HEATR5A: variants seen among roughly 807,000 people sequenced by gnomAD.
The protein encoded by HEATR5A is HEAT repeat-containing protein 5A.
HEATR5A carries 178 observed loss-of-function variants against 218.8 expected under a neutral mutation model. The observed-to-expected ratio is 0.81, with a 90% confidence interval of 0.72 to 0.92. HEATR5A has a LOEUF of 0.92. HEATR5A is among the 40% of genes least tolerant of loss of function. The pLI, the probability that HEATR5A is intolerant of heterozygous loss-of-function variation, is 0.00. For missense variants in HEATR5A, 2,420 were observed against 2,418.9 expected, an observed-to-expected ratio of 1.00 and a Z score of -0.01; for synonymous variants, 864 against 871.6, an observed-to-expected ratio of 0.99 and a Z score of 0.15.
chr14:31,417,444 G>A (rs1336517406), intron 1 of HEATR5A, among the ~76,000 whole-genome samples: 3 of 152,136 alleles, frequency 2.0e-5, no homozygotes, highest in Middle Eastern at 3.2e-3. Context: ...AATTAGCCGG[G>A]CGTGGTGGCT....
rs1706141554 is a variant in HEATR5A at position 31,364,233 on chromosome 14, CTT to C, written c.2025_2026del (p.Arg676ThrfsTer3). The C allele has an allele frequency of 6.4e-7, 1 of 1,555,488 alleles. No homozygotes were observed. The highest frequency in any genetic ancestry group is 8.7e-7 in the Non-Finnish European group (1 of 1,146,504). ...TAATAAAATCAACAGTTCATAAAGTCTTTGTCTATAAACCACTGACGGTGTTT... is the reference window on the plus strand; with the variant it reads ...TAATAAAATCAACAGTTCATAAAGTCTGTCTATAAACCACTGACGGTGTTT... On this transcript the variant is annotated frameshift_variant, in exon 14 of 36. Coordinates refer to ENST00000543095, the MANE Select transcript of HEATR5A (RefSeq NM_015473.4). LOFTEE classifies it high-confidence loss of function.
Position 31,304,938 on chromosome 14 carries a change from G to T in HEATR5A, c.5206C>A (p.Leu1736Ile). 3 of 1,613,964 alleles carry T rather than the reference G, an allele frequency of 1.9e-6. No individual in the cohort carries two copies. Among genetic ancestry groups the T allele is most frequent in the South Asian group, 2.2e-5 (2 of 91,080 alleles). ...SRLVSAALVILSELPAVCSPE... is the reference protein window; with the variant it reads ...SRLVSAALVIISELPAVCSPE... ...GAGCACACTGCAGGAAGTTCGGAAA[G>T]GATAACCAATGCAGCTGAAACCAAT... The change falls in exon 32 of 36, where the codon CTT (leucine) becomes ATT (isoleucine). Residue 1736 changes from leucine (L) to isoleucine (I), a missense_variant. Transcript: ENST00000543095.
At chr14:31,398,174 G>A (rs2030731511) in intron 4 of HEATR5A, among the ~76,000 whole-genome samples, 1 of 152,134 alleles carries the variant, frequency 6.6e-6, no homozygotes, top group East Asian at 1.9e-4. Flanking sequence ...TGAGGATAAA[G>A]TTGAAAATAT....
At chr14:31,369,548 T>C (rs1487105457) in intron 13 of HEATR5A, among the ~76,000 whole-genome samples, 5 of 133,284 alleles carry the variant, frequency 3.8e-5, no homozygotes, top group East Asian at 2.2e-4. Context: ...GAGGTGGAGA[T>C]TGCAGTGAGT....
intron 1 of HEATR5A, among the ~76,000 whole-genome samples, chr14:31,403,502 T>G (rs777184081): frequency 6.6e-6 from 1 of 152,196 alleles, no homozygotes; most frequent in South Asian, 2.1e-4. Context: ...GTACATGCCC[T>G]GTCATTTACC....
rs532581649 is a variant in HEATR5A at position 31,305,046 on chromosome 14, G to A, written c.5098C>T (p.Leu1700Phe). Reference sequence around the variant, plus strand: ...GTCAATTTAGGGTTTAATTCTGGGAGCTGTCTAACTAGAATGCATACACAC... The same window carrying A: ...GTCAATTTAGGGTTTAATTCTGGGAACTGTCTAACTAGAATGCATACACAC... ...ELCVCILVRQLPELNPKLTGS... is the reference protein window; with the variant it reads ...ELCVCILVRQFPELNPKLTGS... The change falls in exon 32 of 36, where the codon CTC becomes TTC. Residue 1700 changes from leucine to phenylalanine, a missense_variant. Physicochemically the swap from Leu to Phe is conservative, Grantham distance 22. Transcript: ENST00000543095. 4.3e-6 allele frequency: 7 copies of A among 1,613,962 alleles called. 1 individual carries two copies. The South Asian group carries it at 7.7e-5, about 18-fold the overall frequency.
At chr14:31,304,864 C>A (rs748030210) in intron 32 of HEATR5A, 41 bp downstream of exon 32, 7 of 1,590,550 alleles carry the variant, frequency 4.4e-6, no homozygotes, top group Middle Eastern at 3.3e-4. Context: ...AAAACCATTT[C>A]TCTTCTAGGT....
At chr14:31,319,962 T>C (rs1900036969) in intron 25 of HEATR5A, among the ~76,000 whole-genome samples, 2 of 152,060 alleles carry the variant, frequency 1.3e-5, no homozygotes, top group African/African-American at 4.8e-5. Context: ...GCCAAAATCA[T>C]GCCACTGCAC....
chr14:31,405,302 T>C (rs981533355), intron 1 of HEATR5A, among the ~76,000 whole-genome samples: 9 of 151,940 alleles, frequency 5.9e-5, no homozygotes, highest in Admixed American at 1.3e-4. Context: ...AGCATGGTGG[T>C]GTGCACCTGC....
At chr14:31,418,316 G>T (rs938924714) in intron 1 of HEATR5A, among the ~76,000 whole-genome samples, 1 of 152,174 alleles carries the variant, frequency 6.6e-6, no homozygotes, top group Non-Finnish European at 1.5e-5. Flanking sequence ...TAGTTCAGGG[G>T]TCCACTAATT....
chr14:31,394,026 C>T, intron 6 of HEATR5A, 26 bp downstream of exon 6: 1 of 1,420,244 alleles, frequency 7.0e-7, no homozygotes, highest in Non-Finnish European at 9.4e-7. Flanking sequence ...ACAGAAGAGA[C>T]TTTGAAAATA....
At position 31,323,558 on chromosome 14, in the gene HEATR5A, C is replaced by A; in HGVS notation, c.3787+7G>T. 1 of 1,581,540 alleles carries A rather than the reference C, an allele frequency of 6.3e-7. No individual in the cohort carries two copies. Among genetic ancestry groups the A allele is most frequent in the South Asian group, 1.1e-5 (1 of 87,234 alleles). On this transcript the variant is annotated splice_region_variant and intron_variant, in intron 24 of 35. Transcript: ENST00000543095. ...TCATTTGGTGTTTTCATCACTATGTCACTTACTTCTTGAATCTCTTTTTTT... is the reference window on the plus strand; with the variant it reads ...TCATTTGGTGTTTTCATCACTATGTAACTTACTTCTTGAATCTCTTTTTTT...
At chr14:31,328,257 G>A (rs6571409) in intron 22 of HEATR5A, among the ~76,000 whole-genome samples, 128,168 of 151,720 alleles carry the variant, frequency 0.84, 55,024 homozygotes, top group Non-Finnish European at 0.93. Flanking sequence ...GGCCTTTGTG[G>A]GTGTTTTGTT....
intron 2 of HEATR5A, among the ~76,000 whole-genome samples, chr14:31,402,089 A>C (rs1290660744): frequency 6.6e-6 from 1 of 152,184 alleles, no homozygotes; most frequent in East Asian, 1.9e-4. Flanking sequence ...TATTTTGATA[A>C]CTAGAGTCAC....
chr14:31,418,863 A>G (rs1226527787), intron 1 of HEATR5A, among the ~76,000 whole-genome samples: 2 of 152,230 alleles, frequency 1.3e-5, no homozygotes, highest in Non-Finnish European at 2.9e-5. Context: ...AGACTATTAT[A>G]AACTACCTCA....
At chr14:31,319,065 AG>A (rs1900003789) in intron 25 of HEATR5A, among the ~76,000 whole-genome samples, 1 of 152,232 alleles carries the variant, frequency 6.6e-6, no homozygotes, top group Non-Finnish European at 1.5e-5. Context: ...TTGTATTTCT[AG>A]CACTTGCGAT....
intron 28 of HEATR5A, among the ~76,000 whole-genome samples, chr14:31,312,628 G>T (rs901192466): frequency 7.9e-5 from 12 of 152,032 alleles, no homozygotes; most frequent in African/African-American, 2.9e-4. Flanking sequence ...GGCCATGCTG[G>T]TCTCGAACTC....
At chr14:31,321,469 T>G in intron 25 of HEATR5A, 30 bp downstream of exon 25, 3 of 1,514,096 alleles carry the variant, frequency 2.0e-6, no homozygotes, top group Non-Finnish European at 2.7e-6. Flanking sequence ...GTGTGTTTAA[T>G]AATAAAATTC....
chr14:31,345,790 T>G (rs971691094), intron 19 of HEATR5A, among the ~76,000 whole-genome samples: 5 of 152,128 alleles, frequency 3.3e-5, no homozygotes, highest in African/African-American at 1.2e-4. Flanking sequence ...TAGAAGACAG[T>G]ATGAGAAGTG....
Sources: allele counts gnomAD v4.1 joint callset (sites outside exome capture counted in the v4.1 genomes callset), GRCh38; gene constraint gnomAD v4.1.1; transcripts MANE v1.5; gene names NCBI Gene and HGNC (gene_info 2026-07-23, HGNC 2026-07-21).